CYREN: variants seen among roughly 807,000 people sequenced by gnomAD.
The protein encoded by CYREN is cell cycle regulator of NHEJ, also known as cell cycle regulator of non-homologous end joining.
A neutral mutation model predicts 9.7 loss-of-function variants in CYREN; 7 were observed. The ratio of observed to expected loss-of-function variants is 0.72; its 90% CI spans 0.41 to 1.36. CYREN has a LOEUF of 1.36. Among genes scored for constraint, CYREN ranks in the 40% most tolerant of loss-of-function variants. CYREN has a pLI of 0.01. For missense variants in CYREN, 215 were observed against 198.1 expected (o/e 1.09, Z -0.51); for synonymous variants, 76 against 77.9 (o/e 0.98, Z 0.13).
intron 2 of CYREN, among the ~76,000 whole-genome samples, chr7:135,124,908 G>A (rs1400433026): frequency 6.6e-6 from 1 of 152,138 alleles, no homozygotes; most frequent in Non-Finnish European, 1.5e-5. Context: ...ATTGTGTTAA[G>A]GGGGAAATTT....
intron 2 of CYREN, among the ~76,000 whole-genome samples, chr7:135,109,966 A>G (rs1825375097): frequency 6.6e-6 from 1 of 152,212 alleles, no homozygotes; most frequent in African/African-American, 2.4e-5. Context: ...CTGGTTGAGA[A>G]GTTCTGCCCA....
chr7:135,123,283 G>T (rs1827402006), intron 2 of CYREN, among the ~76,000 whole-genome samples: 1 of 152,150 alleles, frequency 6.6e-6, no homozygotes, highest in Admixed American at 6.5e-5. Context: ...CCACGCAGAA[G>T]AAAGGATATC....
intron 2 of CYREN, among the ~76,000 whole-genome samples, chr7:135,130,634 T>C (rs1444543616): frequency 6.6e-6 from 1 of 151,982 alleles, no homozygotes; most frequent in Non-Finnish European, 1.5e-5. Flanking sequence ...ATATTATTCA[T>C]ATATTCATCC....
chr7:135,139,225 T>C (rs1027715973), intron 2 of CYREN, among the ~76,000 whole-genome samples: 1 of 152,008 alleles, frequency 6.6e-6, no homozygotes, highest in African/African-American at 2.4e-5. Context: ...TGTGTAAGCA[T>C]TCCCTTTCCT....
chr7:135,164,933 G>C, downstream of CYREN: 1 of 1,613,856 alleles, frequency 6.2e-7, no homozygotes. Context: ...TCATCCTCTT[G>C]CTTATAGCCA....
chr7:135,158,636 A>G (rs191625898), intron 2 of CYREN, among the ~76,000 whole-genome samples: 197 of 152,332 alleles, frequency 1.3e-3, no homozygotes, highest in African/African-American at 4.5e-3. Context: ...GCAGCCCAGC[A>G]TTAAACTCTC....
At chr7:135,129,208 G>T in intron 2 of CYREN, 2 of 1,438,362 alleles carry the variant, frequency 1.4e-6, no homozygotes, top group Non-Finnish European at 2.0e-6. Context: ...CACGCATGCT[G>T]CCAGCTGCCT....
intron 2 of CYREN, among the ~76,000 whole-genome samples, chr7:135,144,943 A>T (rs1829518637): frequency 3.3e-5 from 2 of 59,944 alleles, no homozygotes; most frequent in Non-Finnish European, 8.1e-5. Flanking sequence ...AAGAGTAAAA[A>T]AAAAAAAAAA....
At chr7:135,108,513 T>C (rs1311112199) in intron 2 of CYREN, among the ~76,000 whole-genome samples, 1 of 152,210 alleles carries the variant, frequency 6.6e-6, no homozygotes, top group Non-Finnish European at 1.5e-5. Context: ...TTTTTTTCTT[T>C]AAGAATATTG....
At chr7:135,170,582 G>T (rs947840374) in intron 1 of CYREN, 70 bp downstream of exon 1, 1 of 152,320 alleles carries the variant, frequency 6.6e-6, no homozygotes, top group Non-Finnish European at 1.5e-5. Context: ...TCCGGCTCTC[G>T]TGCCCCTTCT....
intron 2 of CYREN, among the ~76,000 whole-genome samples, chr7:135,148,769 A>G (rs1829603791): frequency 6.6e-6 from 1 of 152,234 alleles, no homozygotes; most frequent in African/African-American, 2.4e-5. Context: ...TTCTTGCCTC[A>G]AAGAATGGGA....
chr7:135,167,837 A>G, intron 2 of CYREN, 30 bp from the exon 3 acceptor site: 1 of 1,613,974 alleles, frequency 6.2e-7, no homozygotes, highest in Non-Finnish European at 8.5e-7. Flanking sequence ...GGCACAGATG[A>G]CACAGACTCT....
intron 2 of CYREN, among the ~76,000 whole-genome samples, chr7:135,147,398 A>G (rs932311034): frequency 2.0e-5 from 3 of 152,218 alleles, no homozygotes; most frequent in Non-Finnish European, 4.4e-5. Flanking sequence ...ATTCAGCAAT[A>G]GCACTAGGTA....
chr7:135,164,502 G>C (rs377705250), downstream of CYREN: 26 of 1,612,902 alleles, frequency 1.6e-5, no homozygotes, highest in Non-Finnish European at 2.1e-5. Context: ...CATAGTCCTC[G>C]TGATTGTGGT....
At chr7:135,129,204 T>C (rs574244396) in intron 2 of CYREN, 2 of 1,426,384 alleles carry the variant, frequency 1.4e-6, no homozygotes, top group Non-Finnish European at 9.9e-7. Context: ...CCCCCACGCA[T>C]GCTGCCAGCT....
intron 2 of CYREN, chr7:135,135,063 C>G: frequency 6.4e-7 from 1 of 1,551,220 alleles, no homozygotes; most frequent in Non-Finnish European, 8.7e-7. Context: ...TAAAACCTCT[C>G]AGCAGCAAGT....
chr7:135,129,155 C>T (rs914695604), intron 2 of CYREN: 1 of 1,476,274 alleles, frequency 6.8e-7, no homozygotes, highest in African/African-American at 1.4e-5. Flanking sequence ...GCCTTCTCCT[C>T]CAGTCCACCT....
At chr7:135,170,539 G>C (rs992408037) in intron 1 of CYREN, 113 bp downstream of exon 1, 1 of 152,304 alleles carries the variant, frequency 6.6e-6, no homozygotes, top group Non-Finnish European at 1.5e-5. Flanking sequence ...TCCTCCGGCC[G>C]GCTACTGGCT....
At chr7:135,095,877 C>T (rs1258299142) in intron 2 of CYREN, among the ~76,000 whole-genome samples, 1 of 152,124 alleles carries the variant, frequency 6.6e-6, no homozygotes, top group Non-Finnish European at 1.5e-5. Flanking sequence ...TTGGGCAGGA[C>T]ACAGTGGCTC....
Sources: gnomAD v4.1 joint callset for allele counts (sites outside exome capture counted in the v4.1 genomes callset) on GRCh38, gnomAD v4.1.1 for gene constraint, MANE v1.5 for transcripts, NCBI Gene and HGNC (gene_info 2026-07-23, HGNC 2026-07-21) for gene names.